HIGD1C: variants seen among roughly 807,000 people sequenced by gnomAD.
HIGD1C encodes the protein HIG1 hypoxia inducible domain family member 1C, also known as HIG1 domain family member 1C.
A neutral mutation model predicts 13.1 loss-of-function variants in HIGD1C; 11 were observed. The ratio of observed to expected loss-of-function variants is 0.84; its 90% CI spans 0.53 to 1.39. The LOEUF is 1.39. HIGD1C is among the 40% of genes most tolerant of loss of function. The pLI, the probability that HIGD1C is intolerant of heterozygous loss-of-function variation, is 0.00. For synonymous variants in HIGD1C, 36 were observed against 37.7 expected, an observed-to-expected ratio of 0.95 and a Z score of 0.17; for missense variants, 110 against 112.0, an observed-to-expected ratio of 0.98 and a Z score of 0.08.
upstream of HIGD1C, among the ~76,000 whole-genome samples, chr12:50,952,747 G>A (rs1032807696): frequency 2.0e-5 from 3 of 152,194 alleles, no homozygotes; most frequent in African/African-American, 4.8e-5. Context: ...CGCCTCAGCC[G>A]GAGATTCCAA....
At chr12:50,956,657 C>T (rs1334243501) in intron 1 of HIGD1C, among the ~76,000 whole-genome samples, 1 of 152,172 alleles carries the variant, frequency 6.6e-6, no homozygotes, top group African/African-American at 2.4e-5. Context: ...TTGCTTGTTT[C>T]ACTTAACAGC....
downstream of HIGD1C, chr12:50,970,520 G>A (rs1182553186): frequency 6.7e-7 from 1 of 1,488,734 alleles, no homozygotes; most frequent in Admixed American, 2.0e-5. Context: ...TTACATGCTG[G>A]AAGCAAGAAA....
chr12:50,958,658 A>T (rs750997083), intron 1 of HIGD1C, among the ~76,000 whole-genome samples: 1 of 152,112 alleles, frequency 6.6e-6, no homozygotes, highest in Middle Eastern at 3.2e-3. Flanking sequence ...ATATTGCTAC[A>T]GTAATCAACA....
intron 1 of HIGD1C, among the ~76,000 whole-genome samples, chr12:50,955,286 G>C (rs754664759): frequency 6.6e-6 from 1 of 152,054 alleles, no homozygotes; most frequent in African/African-American, 2.4e-5. Flanking sequence ...ACTATAATTA[G>C]ATCACCTAAT....
At position 50,958,754 on chromosome 12, in the gene HIGD1C, C is replaced by T. The variant is rs141695192; in HGVS notation, c.95-2214C>T. On this transcript the variant is annotated intron_variant, in intron 1 of 2. Transcript: ENST00000398455. ...AAAATAGGCCGGGCACAGTGGCTTA[C>T]GCCTGTAATCCCAGCACTTCAGGAG... Among the ~76,000 whole-genome samples, 360 of 151,762 alleles carry T rather than the reference C, an allele frequency of 2.4e-3. 1 individual carries two copies. The highest frequency in any genetic ancestry group is 8.0e-3 in the African/African-American group (331 of 41,444).
At chr12:50,959,943 C>A (rs1939261713) in intron 1 of HIGD1C, among the ~76,000 whole-genome samples, 1 of 152,226 alleles carries the variant, frequency 6.6e-6, no homozygotes, top group Non-Finnish European at 1.5e-5. Flanking sequence ...AGCCACTGCA[C>A]CTGGCCCAGT....
chr12:50,967,102 A>C (rs1939568161), intron 2 of HIGD1C, among the ~76,000 whole-genome samples: 1 of 146,962 alleles, frequency 6.8e-6, no homozygotes, highest in Non-Finnish European at 1.5e-5. Flanking sequence ...TGATGGAGCA[A>C]GACTCAGTCT....
At chr12:50,965,118 T>C (rs1939492178) in intron 2 of HIGD1C, among the ~76,000 whole-genome samples, 2 of 152,042 alleles carry the variant, frequency 1.3e-5, no homozygotes, top group Non-Finnish European at 2.9e-5. Context: ...TGGGTTTTTT[T>C]GTTTTTGTTT....
chr12:50,950,171 G>C (rs1938862930), upstream of HIGD1C, among the ~76,000 whole-genome samples: 1 of 152,130 alleles, frequency 6.6e-6, no homozygotes, highest in Non-Finnish European at 1.5e-5. Flanking sequence ...GGAGGGTCCA[G>C]GTACCAGTGC....
the HIGD1C span, among the ~76,000 whole-genome samples, chr12:50,945,969 A>T: frequency 6.6e-5 from 10 of 152,310 alleles, no homozygotes; most frequent in Non-Finnish European, 1.2e-4. Context: ...TGACAAAAAC[A>T]AGAAATGGGG....
At chr12:50,932,442 T>C in the HIGD1C span, 1 of 152,240 alleles carries the variant, frequency 6.6e-6, no homozygotes, top group Non-Finnish European at 1.5e-5. Flanking sequence ...TCTGAGATGA[T>C]TTTGTAAAAG....
the HIGD1C span, among the ~76,000 whole-genome samples, chr12:50,937,896 G>A: frequency 6.6e-6 from 1 of 152,158 alleles, no homozygotes; most frequent in South Asian, 2.1e-4. Context: ...TGGAGGAAGT[G>A]CATGCTGATG....
chr12:50,971,966 G>T (rs150313075), downstream of HIGD1C, among the ~76,000 whole-genome samples: 3 of 152,340 alleles, frequency 2.0e-5, no homozygotes, highest in East Asian at 5.8e-4. Context: ...CTATCATGAA[G>T]ATCTTCTAGT....
upstream of HIGD1C, among the ~76,000 whole-genome samples, chr12:50,952,620 A>T (rs117234840): frequency 6.6e-6 from 1 of 152,156 alleles, no homozygotes; most frequent in Non-Finnish European, 1.5e-5. Context: ...AGGCGCAGGG[A>T]CTAGCCACAG....
chr12:50,948,073 G>C, the HIGD1C span, among the ~76,000 whole-genome samples: 1 of 152,154 alleles, frequency 6.6e-6, no homozygotes, highest in Admixed American at 6.5e-5. Flanking sequence ...AAGAAAATTA[G>C]GCTGCATTTT....
intron 2 of HIGD1C, among the ~76,000 whole-genome samples, chr12:50,963,327 G>A (rs756539748): frequency 1.8e-4 from 23 of 128,566 alleles, no homozygotes; most frequent in Admixed American, 2.9e-4. Flanking sequence ...CCAAAACCAC[G>A]CCACTGCACT....
At chr12:50,958,188 C>T (rs1246471621) in intron 1 of HIGD1C, among the ~76,000 whole-genome samples, 1 of 151,988 alleles carries the variant, frequency 6.6e-6, no homozygotes, top group Non-Finnish European at 1.5e-5. Flanking sequence ...AATGTAATTC[C>T]TGTCAAAACC....
At chr12:50,961,418 A>G (rs1352858198) in intron 2 of HIGD1C, among the ~76,000 whole-genome samples, 1 of 152,140 alleles carries the variant, frequency 6.6e-6, no homozygotes. Context: ...CACAGCCTAT[A>G]TTGTGGCTGT....
At chr12:50,961,450 A>G (rs900160531) in intron 2 of HIGD1C, among the ~76,000 whole-genome samples, 7 of 152,164 alleles carry the variant, frequency 4.6e-5, no homozygotes, top group African/African-American at 1.7e-4. Context: ...CATGGCTAAG[A>G]GCAGCGATCG....
Sources: allele counts gnomAD v4.1 joint callset (sites outside exome capture counted in the v4.1 genomes callset), GRCh38; gene constraint gnomAD v4.1.1; transcripts MANE v1.5; gene names NCBI Gene and HGNC (gene_info 2026-07-23, HGNC 2026-07-21).